PAK4: variants seen among roughly 807,000 people sequenced by gnomAD.
The protein encoded by PAK4 is serine/threonine-protein kinase PAK 4.
Under a neutral mutation model 53.5 loss-of-function variants are expected in PAK4, and 49 were observed. That is an observed-to-expected ratio of 0.92 (90% confidence interval 0.73 to 1.16). The LOEUF is 1.16. Ranked by LOEUF, PAK4 falls within the 50% of genes most tolerant of loss-of-function variation. The pLI is 0.00. For synonymous variants in PAK4, 376 were observed against 375.6 expected (o/e 1.00, Z -0.01); for missense variants, 824 against 850.7 (o/e 0.97, Z 0.39).
chr19:39,148,433 G>C (rs2074038622), intron 1 of PAK4, among the ~76,000 whole-genome samples: 1 of 137,980 alleles, frequency 7.2e-6, no homozygotes, highest in Non-Finnish European at 1.5e-5. Flanking sequence ...AGAACCCTGT[G>C]CCCTGTCTTA....
chr19:39,175,569 C>T lies in PAK4; in HGVS notation c.1359+131C>T, dbSNP rs893689207. On this transcript the variant is annotated intron_variant, in intron 6 of 8. Transcript: ENST00000358301. The surrounding 1 kb of genome is among the most constrained non-coding windows in gnomAD (Gnocchi z 4.7). ...CTGTGTCTTGAGGAGCTGGGAACTT[C>T]GTCCCTCCCTGGTGGAGCAGCCCAG... 1.2e-5 allele frequency: 12 copies of T among 1,006,364 alleles called. No homozygotes were observed. The highest frequency in any genetic ancestry group is 4.9e-5 in the Admixed American group (2 of 40,460). The allele number at this position is 1,006,364 out of a possible 1,614,324, so 62.3% of individuals were successfully genotyped here. A position where few individuals can be genotyped will look rare whatever the true frequency, so the allele number is the denominator to read the frequency against.
chr19:39,141,157 C>T (rs2073902853), intron 1 of PAK4, among the ~76,000 whole-genome samples: 1 of 152,140 alleles, frequency 6.6e-6, no homozygotes, highest in South Asian at 2.1e-4. Context: ...GTCAGCAGCT[C>T]AGCAGGTAGC....
In PAK4 at chr19:39,178,680, A is replaced by T. The variant is rs2074660933; in HGVS notation, c.*101A>T. On this transcript the variant is annotated 3_prime_UTR_variant, in exon 9 of 9. Coordinates refer to ENST00000358301, the Ensembl canonical transcript of PAK4. The surrounding 1 kb of genome is among the most constrained non-coding windows in gnomAD (Gnocchi z 4.4). ...CCTCCCACTCCTCCCAGCCCGGGAG[A>T]TGCTCCGCGTGGCACCACCCTCCTT... 1 of 1,099,058 alleles carries T rather than the reference A, an allele frequency of 9.1e-7. No individual in the cohort carries two copies. Among genetic ancestry groups the T allele is most frequent in the Non-Finnish European group, 1.3e-6 (1 of 772,742 alleles). The allele number at this position is 1,099,058 out of a possible 1,614,324, so 68.1% of individuals were successfully genotyped here. A position where few individuals can be genotyped will look rare whatever the true frequency, so the allele number is the denominator to read the frequency against.
chr19:39,160,619 G>A (rs2074269006), intron 1 of PAK4, among the ~76,000 whole-genome samples: 1 of 152,228 alleles, frequency 6.6e-6, no homozygotes, highest in African/African-American at 2.4e-5. Context: ...CAGCTGTGAT[G>A]AGTCCAAGAC....
intron 2 of PAK4, 39 bp from the exon 4 acceptor site, chr19:39,172,879 C>T (rs1352856108): frequency 2.0e-6 from 3 of 1,484,116 alleles, no homozygotes; most frequent in African/African-American, 1.4e-5. Flanking sequence ...GTGCCCCACT[C>T]CTTGCTGGGC....
At chr19:39,135,079 A>C (rs926076740) in intron 1 of PAK4, 12 of 152,180 alleles carry the variant, frequency 7.9e-5, no homozygotes, top group Admixed American at 6.5e-5. Context: ...ACAGCCTCCC[A>C]AGGTGGTCAA....
intron 1 of PAK4, among the ~76,000 whole-genome samples, chr19:39,140,992 G>A (rs1433803766): frequency 1.3e-5 from 2 of 152,172 alleles, no homozygotes; most frequent in Admixed American, 6.5e-5. Flanking sequence ...ATCCGTGCTT[G>A]GATTTAGTAG....
chr19:39,176,063 C>T (rs1342399201), intron 6 of PAK4, among the ~76,000 whole-genome samples: 1 of 152,192 alleles, frequency 6.6e-6, no homozygotes, highest in East Asian at 1.9e-4. Flanking sequence ...TGTCCACACA[C>T]GGTTGTGGGG....
intron 1 of PAK4, among the ~76,000 whole-genome samples, chr19:39,159,629 C>T (rs537354653): frequency 6.6e-6 from 1 of 152,200 alleles, no homozygotes; most frequent in African/African-American, 2.4e-5. Context: ...ATCAGGTGAT[C>T]CACCTGCCTC....
At chr19:39,177,273 T>C (rs1865025) in intron 7 of PAK4, among the ~76,000 whole-genome samples, 150,376 of 152,334 alleles carry the variant, frequency 0.99, 74,224 homozygotes, top group East Asian at 1. Context: ...GGGCTCCTCT[T>C]TTTCCCTGGG....
intron 1 of PAK4, among the ~76,000 whole-genome samples, chr19:39,154,700 C>T (rs1168629134): frequency 6.6e-6 from 1 of 152,202 alleles, no homozygotes; most frequent in African/African-American, 2.4e-5. Flanking sequence ...CCAGAGCTGT[C>T]CAATCCCCAT....
rs2145199940 is a variant in PAK4 at position 39,153,899 on chromosome 19, T to C, written c.-22-15633T>C. ...TGCCCAGTCCAACTCTCCTGACTTT[T>C]GAGGCCATCATATGCTTGCTTTTCT... On this transcript the variant is annotated intron_variant, in intron 1 of 8. Coordinates refer to ENST00000358301, the Ensembl canonical transcript of PAK4. 1.3e-5 allele frequency among the ~76,000 whole-genome samples: 2 copies of C among 152,296 alleles called. 1 individual carries two copies. Among genetic ancestry groups the C allele is most frequent in the South Asian group, 4.1e-4 (2 of 4,830 alleles).
intron 1 of PAK4, among the ~76,000 whole-genome samples, chr19:39,154,547 C>T (rs551557020): frequency 7.9e-5 from 12 of 152,266 alleles, no homozygotes; most frequent in Admixed American, 3.3e-4. Flanking sequence ...TCTTTTGAAC[C>T]GTGTGCCTGT....
intron 1 of PAK4, among the ~76,000 whole-genome samples, chr19:39,158,796 G>C (rs1247752866): frequency 3.9e-5 from 6 of 152,162 alleles, no homozygotes; most frequent in Non-Finnish European, 8.8e-5. Flanking sequence ...CAGTCCAGTG[G>C]GAGAGGCAGA....
At chr19:39,153,606 C>T (rs574940351) in intron 1 of PAK4, among the ~76,000 whole-genome samples, 4 of 152,122 alleles carry the variant, frequency 2.6e-5, no homozygotes, top group African/African-American at 9.7e-5. Context: ...CACGCCACGC[C>T]AATTTTTATA....
chr19:39,163,910 C>T (rs1023121403), intron 1 of PAK4, among the ~76,000 whole-genome samples: 7 of 152,104 alleles, frequency 4.6e-5, no homozygotes, highest in African/African-American at 1.4e-4. Flanking sequence ...CCCTGGGCTA[C>T]GAGGGGGTAA....
chr19:39,176,483 TG>T, intron 6 of PAK4, 106 bp from the exon 8 acceptor site: 1 of 1,468,410 alleles, frequency 6.8e-7, no homozygotes, highest in Non-Finnish European at 9.4e-7. Context: ...CTCTGACCTC[TG>T]GGCCGCACAT....
Position 39,172,975 on chromosome 19 carries a change from G to A in PAK4, c.262G>A (p.Glu88Lys), listed in dbSNP as rs751378523. 50 of 1,548,354 alleles carry A rather than the reference G, an allele frequency of 3.2e-5. 1 individual carries two copies. The highest frequency in any genetic ancestry group is 1.7e-4 in the East Asian group (7 of 40,912). Residue 88 changes from glutamate to lysine, a missense_variant, in exon 3 of 9, where the codon GAG (glutamate) becomes AAG (lysine). By Grantham distance (56) the Glu-to-Lys change is moderately conservative. Around this residue, in one of 2 missense-constraint regions of PAK4, gnomAD observed 478 missense variants for 435.8 expected, o/e 1.10. Transcript: ENST00000358301. The stretch of plus-strand genomic sequence containing the variant: ...TGGGGCCCTCACGCTGCTGCTGGAC[G>A]AGTTTGAGAACATGTCGGTGACACG...
At chr19:39,169,543 T>A in exon 2 of PAK4, 1 of 1,609,618 alleles carries the variant, frequency 6.2e-7, no homozygotes, top group Non-Finnish European at 8.5e-7. Context: ...CCGCACCGAG[T>A]CCCCGGCACC....
Sources: gnomAD v4.1 joint callset for allele counts (sites outside exome capture counted in the v4.1 genomes callset) on GRCh38, gnomAD v4.1.1 for gene constraint, gnomAD v4.1.1 regional missense constraint, Gnocchi (gnomAD v3.1) non-coding constraint, MANE v1.5 for transcripts, NCBI Gene and HGNC (gene_info 2026-07-23, HGNC 2026-07-21) for gene names.